Variants in EYS observed in about 807,000 individuals in gnomAD.
The protein encoded by EYS is EGF-like photoreceptor maintenance factor.
In EYS, 250 loss-of-function variants were observed where a neutral mutation model predicts 282.1. The ratio of observed to expected loss-of-function variants is 0.89; its 90% confidence interval spans 0.80 to 0.98. The LOEUF is 0.98. Among genes scored for constraint, EYS ranks in the 50% least tolerant of loss-of-function variants. The pLI, the probability that EYS is intolerant of heterozygous loss-of-function variation, is 0.00. For synonymous variants in EYS, 1,355 were observed against 1,282.9 expected (o/e 1.06, Z -1.20); for missense variants, 4,016 against 3,709.0 (o/e 1.08, Z -2.15).
At chr6:64,501,276 T>G (rs948806846) in intron 26 of EYS, among the ~76,000 whole-genome samples, 2 of 152,070 alleles carry the variant, frequency 1.3e-5, no homozygotes, top group Non-Finnish European at 2.9e-5. Context: ...CCATTTACCT[T>G]GTGGTATTTT....
chr6:65,113,772 A>AT (rs776901126), intron 12 of EYS, among the ~76,000 whole-genome samples: 4 of 151,984 alleles, frequency 2.6e-5, no homozygotes, highest in Admixed American at 6.6e-5. Context: ...CCTATGACTA[A>AT]TTTTTTCCTG....
At chr6:65,315,999 C>G (rs1582133525) in intron 11 of EYS, among the ~76,000 whole-genome samples, 2 of 152,222 alleles carry the variant, frequency 1.3e-5, no homozygotes, top group South Asian at 4.1e-4. Flanking sequence ...ATTTGCATTT[C>G]TCTGACTACA....
At chr6:64,528,004 T>C (rs1276104556) in intron 26 of EYS, among the ~76,000 whole-genome samples, 1 of 151,626 alleles carries the variant, frequency 6.6e-6, no homozygotes, top group African/African-American at 2.4e-5. Flanking sequence ...GTATATCACA[T>C]ATATATGGAT....
chr6:64,447,519 A>G lies in EYS; in HGVS notation c.5645-8167T>C, dbSNP rs1399718923. 6.0e-4 allele frequency among the ~76,000 whole-genome samples: 91 copies of G among 152,066 alleles called. 1 individual carries two copies. ...ATATGAAAATGTTTCAAAATAAGTT[A>G]TGAAATATATTTGTTTCTTTAATAG... is the stretch of plus-strand genomic sequence containing the variant. On this transcript the variant is annotated intron_variant, in intron 26 of 42. Coordinates refer to ENST00000503581, the MANE Select transcript of EYS (RefSeq NM_001142800.2).
At chr6:65,528,173 T>C (rs1021515112) in intron 2 of EYS, among the ~76,000 whole-genome samples, 4 of 152,208 alleles carry the variant, frequency 2.6e-5, no homozygotes, top group African/African-American at 7.2e-5. Flanking sequence ...AAATAATTTA[T>C]ATTTCAAAAT....
intron 34 of EYS, among the ~76,000 whole-genome samples, chr6:63,990,158 G>A (rs1045015791): frequency 6.6e-6 from 1 of 151,540 alleles, no homozygotes; most frequent in African/African-American, 2.4e-5. Context: ...ATAATTTGGG[G>A]AATTAAATAA....
intron 13 of EYS, among the ~76,000 whole-genome samples, chr6:65,007,893 T>C (rs1409342952): frequency 6.6e-6 from 1 of 152,210 alleles, no homozygotes; most frequent in Non-Finnish European, 1.5e-5. Context: ...AATCCTTTGA[T>C]CTGACATGGA....
At chr6:64,865,740 T>C (rs1244210573) in intron 19 of EYS, among the ~76,000 whole-genome samples, 2 of 152,116 alleles carry the variant, frequency 1.3e-5, no homozygotes, top group African/African-American at 4.8e-5. Flanking sequence ...GAAACACAGA[T>C]ATCTGTTGGG....
intron 2 of EYS, among the ~76,000 whole-genome samples, chr6:65,508,927 A>G (rs955228101): frequency 6.6e-6 from 1 of 152,122 alleles, no homozygotes; most frequent in Non-Finnish European, 1.5e-5. Flanking sequence ...GAACGTGGAG[A>G]AAAATCCTGG....
At chr6:64,510,737 AG>A (rs1777365529) in intron 26 of EYS, among the ~76,000 whole-genome samples, 1 of 152,174 alleles carries the variant, frequency 6.6e-6, no homozygotes, top group African/African-American at 2.4e-5. Context: ...AAAATTAATC[AG>A]ATTTTCAATT....
intron 14 of EYS, among the ~76,000 whole-genome samples, chr6:64,963,154 G>C (rs1433505724): frequency 6.6e-6 from 1 of 152,132 alleles, no homozygotes; most frequent in Non-Finnish European, 1.5e-5. Flanking sequence ...GTTCTGATTA[G>C]AAAGCCCACA....
At chr6:65,665,375 T>A (rs1475812169) in intron 1 of EYS, among the ~76,000 whole-genome samples, 1 of 152,138 alleles carries the variant, frequency 6.6e-6, no homozygotes, top group Non-Finnish European at 1.5e-5. Flanking sequence ...GGCCTGAGTT[T>A]CAATTTATAT....
At chr6:65,474,726 T>G (rs1765335963) in intron 5 of EYS, among the ~76,000 whole-genome samples, 2 of 152,092 alleles carry the variant, frequency 1.3e-5, no homozygotes, top group African/African-American at 4.8e-5. Context: ...CAAAATAAAA[T>G]TGCTGATTTA....
chr6:65,241,225 G>T (rs1487540237), intron 12 of EYS, among the ~76,000 whole-genome samples: 3 of 151,996 alleles, frequency 2.0e-5, no homozygotes, highest in Non-Finnish European at 4.4e-5. Context: ...TCACGAAATA[G>T]ATATACTCAT....
chr6:64,258,519 C>T (rs1370958302), intron 30 of EYS, among the ~76,000 whole-genome samples: 1 of 151,894 alleles, frequency 6.6e-6, no homozygotes, highest in Non-Finnish European at 1.5e-5. Flanking sequence ...AAAGTGTGAC[C>T]CTTGAATCTT....
Position 64,430,579 on chromosome 6 carries a change from T to A in EYS, c.5927+5595A>T, listed in dbSNP as rs1338827. Reference sequence around the variant, plus strand: ...AACTACTAAGTGTTATAAATTGTGTTTACTGATTTTTTGCTTTTATCCTAA... The same window carrying A: ...AACTACTAAGTGTTATAAATTGTGTATACTGATTTTTTGCTTTTATCCTAA... On this transcript the variant is annotated intron_variant, in intron 28 of 42. Transcript: ENST00000503581. 7.3e-3 allele frequency among the ~76,000 whole-genome samples: 1,119 copies of A among 152,310 alleles called. 17 individuals carry two copies. The highest frequency in any genetic ancestry group is 0.049 in the East Asian group (253 of 5,178).
chr6:65,279,230 T>C (rs1768150534), intron 12 of EYS, among the ~76,000 whole-genome samples: 2 of 151,926 alleles, frequency 1.3e-5, no homozygotes. Flanking sequence ...ATATGGTACC[T>C]GTTTACCTCA....
intron 35 of EYS, among the ~76,000 whole-genome samples, chr6:63,973,213 A>T (rs1766668068): frequency 6.6e-6 from 1 of 152,084 alleles, no homozygotes; most frequent in Admixed American, 6.6e-5. Context: ...CCTCTCCAGT[A>T]TCTGTTGTTT....
intron 26 of EYS, among the ~76,000 whole-genome samples, chr6:64,457,454 G>T (rs999277388): frequency 6.6e-6 from 1 of 151,954 alleles, no homozygotes; most frequent in Non-Finnish European, 1.5e-5. Context: ...ATTGCTAAAA[G>T]TGAGGCACTG....
Sources: gnomAD v4.1 joint callset for allele counts (sites outside exome capture counted in the v4.1 genomes callset) on GRCh38, gnomAD v4.1.1 for gene constraint, MANE v1.5 for transcripts, NCBI Gene and HGNC (gene_info 2026-07-23, HGNC 2026-07-21) for gene names.